Variants in NCEH1 observed in about 807,000 individuals in gnomAD.
NCEH1 encodes the protein neutral cholesterol ester hydrolase 1, also known as 2-acetyl MAGE hydrolase.
A neutral mutation model predicts 25.4 loss-of-function variants in NCEH1; 9 were observed. The ratio of observed to expected loss-of-function variants is 0.35; its 90% CI spans 0.21 to 0.62. The LOEUF is 0.62. Among genes scored for constraint, NCEH1 ranks in the 20% least tolerant of loss-of-function variants. The pLI, the probability that NCEH1 is intolerant of heterozygous loss-of-function variation, is 0.72. For synonymous variants in NCEH1, 200 were observed against 199.8 expected (o/e 1.00, Z -0.01); for missense variants, 412 against 501.1 (o/e 0.82, Z 1.70).
intron 1 of NCEH1, among the ~76,000 whole-genome samples, chr3:172,663,440 G>A (rs561568701): frequency 6.6e-6 from 1 of 152,340 alleles, no homozygotes; most frequent in South Asian, 2.1e-4. Flanking sequence ...ATATTCTGTT[G>A]ATTTGGGATG....
At chr3:172,710,801 T>A in intron 1 of NCEH1, 46 bp downstream of exon 1, 1 of 1,604,730 alleles carries the variant, frequency 6.2e-7, no homozygotes, top group Non-Finnish European at 8.5e-7. Flanking sequence ...CCTTCAAATA[T>A]TGCGTAAGAG....
At chr3:172,665,624 T>G (rs1718173849) in intron 1 of NCEH1, among the ~76,000 whole-genome samples, 1 of 152,206 alleles carries the variant, frequency 6.6e-6, no homozygotes, top group Non-Finnish European at 1.5e-5. Context: ...CTCGTTGAGC[T>G]GTGGTGGGCT....
intron 1 of NCEH1, among the ~76,000 whole-genome samples, chr3:172,683,109 G>A (rs9821237): frequency 0.013 from 1,570 of 118,662 alleles, 28 homozygotes; most frequent in South Asian, 0.02. Flanking sequence ...AGTGCTTTAA[G>A]AAGCGGAGGC....
intron 1 of NCEH1, among the ~76,000 whole-genome samples, chr3:172,665,006 C>A (rs753782860): frequency 1.8e-4 from 28 of 152,134 alleles, no homozygotes; most frequent in Non-Finnish European, 3.8e-4. Context: ...CCGTTGCTGG[C>A]GAGGCGCTGT....
chr3:172,693,776 G>A (rs1343742365), intron 1 of NCEH1, among the ~76,000 whole-genome samples: 5 of 152,164 alleles, frequency 3.3e-5, no homozygotes, highest in Admixed American at 6.5e-5. Flanking sequence ...TGACTGACAC[G>A]TTATTGGTTT....
intron 1 of NCEH1, among the ~76,000 whole-genome samples, chr3:172,679,131 A>T (rs1348595253): frequency 6.6e-6 from 1 of 152,202 alleles, no homozygotes; most frequent in Non-Finnish European, 1.5e-5. Context: ...GAACAAAGGA[A>T]GGAGGAAGGA....
At chr3:172,691,380 C>T (rs1713027883) in intron 1 of NCEH1, among the ~76,000 whole-genome samples, 1 of 19,480 alleles carries the variant, frequency 5.1e-5, no homozygotes, top group Non-Finnish European at 8.7e-5. Context: ...CATTTTTGTT[C>T]CCCTAGGTTT....
At chr3:172,639,355 T>C (rs1348795715) in intron 3 of NCEH1, among the ~76,000 whole-genome samples, 2 of 150,958 alleles carry the variant, frequency 1.3e-5, no homozygotes, top group Non-Finnish European at 2.9e-5. Context: ...AAAGTAGATA[T>C]TTATTAGGTT....
intron 1 of NCEH1, among the ~76,000 whole-genome samples, chr3:172,651,804 C>A (rs1717417013): frequency 6.6e-6 from 1 of 152,032 alleles, no homozygotes; most frequent in Non-Finnish European, 1.5e-5. Context: ...AGTGATCCAC[C>A]CACCTCCGCC....
chr3:172,648,600 C>A (rs942343301), intron 1 of NCEH1, among the ~76,000 whole-genome samples: 1 of 151,988 alleles, frequency 6.6e-6, no homozygotes, highest in African/African-American at 2.4e-5. Context: ...TGCTTAATTT[C>A]TTTAAATTGC....
intron 1 of NCEH1, among the ~76,000 whole-genome samples, chr3:172,690,222 C>T (rs1240670527): frequency 2.6e-5 from 4 of 152,068 alleles, no homozygotes; most frequent in Non-Finnish European, 5.9e-5. Flanking sequence ...TTTAAATGAA[C>T]ATTTCTTTAA....
intron 1 of NCEH1, among the ~76,000 whole-genome samples, chr3:172,654,921 T>C (rs1029856943): frequency 6.6e-6 from 1 of 152,232 alleles, no homozygotes; most frequent in African/African-American, 2.4e-5. Flanking sequence ...TTTATCTGCA[T>C]GAAAATATGA....
At chr3:172,653,765 T>TTGTTG in intron 1 of NCEH1, among the ~76,000 whole-genome samples, 1 of 134,382 alleles carries the variant, frequency 7.4e-6, no homozygotes, top group South Asian at 2.3e-4. Flanking sequence ...TTTTTGTTTT[T>TTGTTG]TTTTTTTTTT....
At chr3:172,666,335 A>C (rs1718207617) in intron 1 of NCEH1, among the ~76,000 whole-genome samples, 3 of 152,118 alleles carry the variant, frequency 2.0e-5, no homozygotes. Flanking sequence ...AGGTGGGTGG[A>C]CCAGGTGTTT....
intron 3 of NCEH1, among the ~76,000 whole-genome samples, chr3:172,639,233 G>A (rs1411166889): frequency 1.3e-5 from 2 of 151,132 alleles, no homozygotes; most frequent in Non-Finnish European, 2.9e-5. Context: ...GGGAGTTGGA[G>A]GTTGCAGTGA....
chr3:172,648,220 T>G (rs1303721599), intron 1 of NCEH1, 106 bp from the exon 2 acceptor site: 1 of 1,314,508 alleles, frequency 7.6e-7, no homozygotes, highest in African/African-American at 1.5e-5. Flanking sequence ...CAGCTGCCAC[T>G]GGACTGGAGG....
intron 1 of NCEH1, among the ~76,000 whole-genome samples, chr3:172,701,616 GTTTTT>G (rs60219751): frequency 2.7e-5 from 3 of 110,722 alleles, no homozygotes; most frequent in African/African-American, 7.5e-5. Context: ...TGCCCAGCTA[GTTTTT>G]TTTTTTTTTT....
intron 1 of NCEH1, among the ~76,000 whole-genome samples, chr3:172,686,918 G>A (rs992848817): frequency 6.6e-6 from 1 of 152,188 alleles, no homozygotes; most frequent in African/African-American, 2.4e-5. Context: ...AGCTAGGAAG[G>A]ACTAACATGT....
intron 1 of NCEH1, among the ~76,000 whole-genome samples, chr3:172,659,031 C>T (rs992605524): frequency 2.0e-5 from 3 of 151,812 alleles, no homozygotes; most frequent in African/African-American, 4.8e-5. Context: ...TCTCAGACCA[C>T]GGGGGGTCAG....
Sources: allele counts gnomAD v4.1 joint callset (sites outside exome capture counted in the v4.1 genomes callset), GRCh38; gene constraint gnomAD v4.1.1; transcripts MANE v1.5; gene names NCBI Gene and HGNC (gene_info 2026-07-23, HGNC 2026-07-21).